The following DCUN1D5 variants were observed in gnomAD, a reference collection of about 807,000 sequenced individuals.
DCUN1D5 encodes the protein DCN1-like protein 5.
DCUN1D5 carries 10 observed loss-of-function variants against 38.3 expected under a neutral mutation model. The observed-to-expected ratio is 0.26, with a 90% CI of 0.16 to 0.44. The LOEUF (loss-of-function observed/expected upper bound fraction) is 0.44, where lower values mean the gene tolerates loss of function less well. Ranked by LOEUF, DCUN1D5 falls within the 20% of genes least tolerant of loss-of-function variation. DCUN1D5 has a pLI of 1.00. For missense variants in DCUN1D5, 148 were observed against 275.3 expected (o/e 0.54, Z 3.27); for synonymous variants, 93 against 90.9 (o/e 1.02, Z -0.13).
chr11:103,068,985 A>G (rs1403859644), intron 4 of DCUN1D5, among the ~76,000 whole-genome samples: 2 of 152,212 alleles, frequency 1.3e-5, no homozygotes, highest in Non-Finnish European at 2.9e-5. Context: ...GAGAATGAAA[A>G]GAGTGGAACT....
At position 103,078,058 on chromosome 11, in the gene DCUN1D5, G is replaced by A. The variant is rs1012766038; in HGVS notation, c.341+4690C>T. 2.7e-4 allele frequency among the ~76,000 whole-genome samples: 41 copies of A among 151,840 alleles called. No individual in the cohort carries two copies. The highest frequency in any genetic ancestry group is 9.2e-4 in the African/African-American group (38 of 41,310). Reference sequence around the variant, plus strand: ...TTCCCTATTCCCCTCTCGCTAAGACGGTCAAGCCATGCCATTCCTTTTACA... The same window carrying A: ...TTCCCTATTCCCCTCTCGCTAAGACAGTCAAGCCATGCCATTCCTTTTACA... On this transcript the variant is annotated intron_variant, in intron 4 of 7. Transcript: ENST00000260247. The surrounding 1 kb of genome is among the most constrained non-coding windows in gnomAD (Gnocchi z 4.6).
intron 4 of DCUN1D5, among the ~76,000 whole-genome samples, chr11:103,067,904 A>G (rs1862173025): frequency 6.6e-6 from 1 of 152,068 alleles, no homozygotes; most frequent in South Asian, 2.1e-4. Flanking sequence ...GAGAATTGCT[A>G]CTTTTCCCCC....
chr11:103,084,152 GATAAGA>G (rs1241420116), intron 2 of DCUN1D5, among the ~76,000 whole-genome samples: 1 of 152,058 alleles, frequency 6.6e-6, no homozygotes, highest in African/African-American at 2.4e-5. Context: ...TTTGTGACTG[GATAAGA>G]ATAAAACAAA....
rs757634308 is a variant in DCUN1D5 at position 103,091,636 on chromosome 11, C to G, written c.86+151G>C. 10 of 1,444,178 alleles carry G rather than the reference C, an allele frequency of 6.9e-6. No individual in the cohort carries two copies. In the Admixed American group the frequency reaches 1.8e-4, roughly 25 times the overall value. 89.5% of individuals were successfully genotyped at this position (1,444,178 alleles called of 1,614,324 possible). A position where few individuals can be genotyped will look rare whatever the true frequency, so the allele number is the denominator to read the frequency against. On this transcript the variant is annotated intron_variant, in intron 1 of 7. Transcript: ENST00000260247. The surrounding 1 kb of genome is among the most constrained non-coding windows in gnomAD (Gnocchi z 4.3). ...CACGAGGTCGGGTCGGGCGCGGAGA[C>G]TCGCGGTGTTCGGCACCTACAGCCT...
rs965041837 is a variant in DCUN1D5, at chr11:103,054,555, C to G, written c.*7804G>C. 1 of 152,092 alleles carries G rather than the reference C, an allele frequency of 6.6e-6. No individual in the cohort carries two copies. The highest frequency in any genetic ancestry group is 1.5e-5 in the Non-Finnish European group (1 of 67,992). The allele number at this position is 152,092 out of a possible 1,614,324, so 9.4% of individuals were successfully genotyped here. On this transcript the variant is annotated 3_prime_UTR_variant, in exon 8 of 8. Transcript: ENST00000260247. ...AGATATTAAGTGCTGTAAGATGCTA[C>G]AACAAAGCTTATTTAGGCAGGGACT... is the stretch of plus-strand genomic sequence containing the variant.
rs779574794 is a variant in DCUN1D5, at chr11:103,051,608, T to A, written c.*10751A>T. On this transcript the variant is annotated 3_prime_UTR_variant, in exon 8 of 8. Coordinates refer to ENST00000260247, the MANE Select transcript of DCUN1D5 (RefSeq NM_032299.4). ...ATTAGTCAATATCATTTATTCTTTG[T>A]CATTAAACAAATATTTGGAACCCAC... The A allele has an allele frequency of 2.0e-5, 3 of 152,016 alleles. No individual in the cohort carries two copies. Among genetic ancestry groups the A allele is most frequent in the Non-Finnish European group, 4.4e-5 (3 of 68,006 alleles). 9.4% of individuals were successfully genotyped at this position (152,016 alleles called of 1,614,324 possible). A position where few individuals can be genotyped will look rare whatever the true frequency, so the allele number is the denominator to read the frequency against.
rs1418235752 is a variant in DCUN1D5 at position 103,064,642 on chromosome 11, A to G, written c.556-265T>C. Among the ~76,000 whole-genome samples the G allele has an allele frequency of 6.6e-6, 1 of 152,168 alleles. No homozygotes were observed. The highest frequency in any genetic ancestry group is 1.5e-5 in the Non-Finnish European group (1 of 68,028). ...ATAAAACTAACTTTTTCATATGTAT[A>G]TACTTGTGTTACCACCAATGAGATC... On this transcript the variant is annotated intron_variant, in intron 6 of 7. Transcript: ENST00000260247. This position sits in a 1 kb window ranked among gnomAD's most constrained non-coding sequence, Gnocchi z 4.5.
At chr11:103,088,525 A>AG in intron 2 of DCUN1D5, among the ~76,000 whole-genome samples, 1 of 152,278 alleles carries the variant, frequency 6.6e-6, no homozygotes, top group African/African-American at 2.4e-5. Context: ...TCCTGGGCCT[A>AG]GGGCTCTTCA....
At chr11:103,069,091 A>T (rs1862207254) in intron 4 of DCUN1D5, among the ~76,000 whole-genome samples, 1 of 152,156 alleles carries the variant, frequency 6.6e-6, no homozygotes, top group African/African-American at 2.4e-5. Flanking sequence ...CAGCCAATGA[A>T]CTTTTCACAC....
Position 103,091,644 on chromosome 11 carries a change from G to C in DCUN1D5, c.86+143C>G. 1 of 1,510,012 alleles carries C rather than the reference G, an allele frequency of 6.6e-7. No individual in the cohort carries two copies. Among genetic ancestry groups the C allele is most frequent in the Non-Finnish European group, 9.0e-7 (1 of 1,110,556 alleles). 93.5% of individuals were successfully genotyped at this position (1,510,012 alleles called of 1,614,324 possible). A position where few individuals can be genotyped will look rare whatever the true frequency, so the allele number is the denominator to read the frequency against. On this transcript the variant is annotated intron_variant, in intron 1 of 7. Coordinates refer to ENST00000260247, the MANE Select transcript of DCUN1D5 (RefSeq NM_032299.4). The surrounding 1 kb of genome is among the most constrained non-coding windows in gnomAD (Gnocchi z 4.3). Reference sequence around the variant, plus strand: ...CGGGTCGGGCGCGGAGACTCGCGGTGTTCGGCACCTACAGCCTAGCTCGAT... The same window carrying C: ...CGGGTCGGGCGCGGAGACTCGCGGTCTTCGGCACCTACAGCCTAGCTCGAT...
chr11:103,085,343 C>A (rs568159700), intron 2 of DCUN1D5, among the ~76,000 whole-genome samples: 1 of 152,244 alleles, frequency 6.6e-6, no homozygotes, highest in Admixed American at 6.5e-5. Context: ...GAGGCTGAGG[C>A]AGGAGAATCA....
At position 103,055,746 on chromosome 11, in the gene DCUN1D5, T is replaced by C. The variant is rs1170407605; in HGVS notation, c.*6613A>G. Reference sequence around the variant, plus strand: ...CTTACTCTCTAAGTGGTTTCATCCATGTCCTGACTTAAAATAAGATTACAC... The same window carrying C: ...CTTACTCTCTAAGTGGTTTCATCCACGTCCTGACTTAAAATAAGATTACAC... On this transcript the variant is annotated 3_prime_UTR_variant, in exon 8 of 8. Transcript: ENST00000260247. 6.6e-6 allele frequency: 1 copy of C among 152,220 alleles called. No individual in the cohort carries two copies. Among genetic ancestry groups the C allele is most frequent in the Non-Finnish European group, 1.5e-5 (1 of 68,028 alleles). 9.4% of individuals were successfully genotyped at this position (152,220 alleles called of 1,614,324 possible).
chr11:103,067,906 T>C (rs1040520354), intron 4 of DCUN1D5, among the ~76,000 whole-genome samples: 1 of 152,130 alleles, frequency 6.6e-6, no homozygotes, highest in Non-Finnish European at 1.5e-5. Flanking sequence ...GAATTGCTAC[T>C]TTTCCCCCCC....
rs1862023471 is a variant in DCUN1D5, at chr11:103,061,999, G to A, written c.*360C>T. 2 of 190,972 alleles carry A rather than the reference G, an allele frequency of 1.0e-5. No individual in the cohort carries two copies. The highest frequency in any genetic ancestry group is 2.1e-5 in the Non-Finnish European group (2 of 94,408). The allele number at this position is 190,972 out of a possible 1,614,324, so 11.8% of individuals were successfully genotyped here. ...AATCTTGAAAATTCTGTAAATTCAC[G>A]GTGAATTGGAACCTCAAAAATCAAA... On this transcript the variant is annotated 3_prime_UTR_variant, in exon 8 of 8. Coordinates refer to ENST00000260247, the MANE Select transcript of DCUN1D5 (RefSeq NM_032299.4).
At position 103,066,056 on chromosome 11, in the gene DCUN1D5, T is replaced by TG. The variant is rs567059741; in HGVS notation, c.555+212dup. Among the ~76,000 whole-genome samples, 7 of 151,490 alleles carry TG rather than the reference T, an allele frequency of 4.6e-5. No individual in the cohort carries two copies. Among genetic ancestry groups the TG allele is most frequent in the East Asian group, 1.9e-4 (1 of 5,174 alleles). On this transcript the variant is annotated intron_variant, in intron 6 of 7. Coordinates refer to ENST00000260247, the MANE Select transcript of DCUN1D5 (RefSeq NM_032299.4). This position sits in a 1 kb window ranked among gnomAD's most constrained non-coding sequence, Gnocchi z 4.7. ...TGGAGGTTTCTTTTATTTGGGGGAC[T>TG]GGGGGGGTAGGATTGAAAATATCTT...
rs1009493075 is a variant in DCUN1D5 at position 103,061,663 on chromosome 11, T to C, written c.*696A>G. Among the ~76,000 whole-genome samples, 59 of 150,120 alleles carry C rather than the reference T, an allele frequency of 3.9e-4. No individual in the cohort carries two copies. Among genetic ancestry groups the C allele is most frequent in the African/African-American group, 1.3e-3 (55 of 40,932 alleles). ...ATAATGACAGTTAAAAATATAAATA[T>C]GCTATTATCAACAATAATAATGATG... On this transcript the variant is annotated 3_prime_UTR_variant, in exon 8 of 8. Coordinates refer to ENST00000260247, the MANE Select transcript of DCUN1D5 (RefSeq NM_032299.4).
rs1272111899 is a variant in DCUN1D5, at chr11:103,073,254, C to T, written c.342-6687G>A. ...TCAAATACCTAAAAAAATGAAGAGA[C>T]ATTACTATCTTCCAGTATTCAAAGC... is the stretch of plus-strand genomic sequence containing the variant. On this transcript the variant is annotated intron_variant, in intron 4 of 7. Transcript: ENST00000260247. The surrounding 1 kb of genome is among the most constrained non-coding windows in gnomAD (Gnocchi z 4.2). Among the ~76,000 whole-genome samples the T allele has an allele frequency of 6.6e-6, 1 of 151,948 alleles. No homozygotes were observed. The highest frequency in any genetic ancestry group is 1.5e-5 in the Non-Finnish European group (1 of 67,976).
intron 4 of DCUN1D5, among the ~76,000 whole-genome samples, chr11:103,076,619 CGAT>C (rs1457447346): frequency 4.6e-5 from 7 of 152,108 alleles, no homozygotes; most frequent in African/African-American, 1.7e-4. Context: ...TTTAAAACGA[CGAT>C]AATAATTTAA....
chr11:103,065,277 G>A lies in DCUN1D5; in HGVS notation c.556-900C>T, dbSNP rs143593320. Among the ~76,000 whole-genome samples, 72 of 151,814 alleles carry A rather than the reference G, an allele frequency of 4.7e-4. 1 individual carries two copies. The East Asian group carries it at 0.013, about 27-fold the overall frequency. On this transcript the variant is annotated intron_variant, in intron 6 of 7. Coordinates refer to ENST00000260247, the MANE Select transcript of DCUN1D5 (RefSeq NM_032299.4). This position sits in a 1 kb window ranked among gnomAD's most constrained non-coding sequence, Gnocchi z 4.6. Reference sequence around the variant, plus strand: ...AGCAATTCTCGTGCCTCAGCCTCCCGAGTAGCTGGGACTACAGGCACAAAC... The same window carrying A: ...AGCAATTCTCGTGCCTCAGCCTCCCAAGTAGCTGGGACTACAGGCACAAAC...
Sources: gnomAD v4.1 joint callset for allele counts (sites outside exome capture counted in the v4.1 genomes callset) on GRCh38, gnomAD v4.1.1 for gene constraint, Gnocchi (gnomAD v3.1) non-coding constraint, MANE v1.5 for transcripts, NCBI Gene and HGNC (gene_info 2026-07-23, HGNC 2026-07-21) for gene names.